PRPSAP1: variants seen among roughly 807,000 people sequenced by gnomAD.
The protein encoded by PRPSAP1 is phosphoribosyl pyrophosphate synthase-associated protein 1.
Under a neutral mutation model 39.4 loss-of-function variants are expected in PRPSAP1, and 31 were observed. That is an observed-to-expected ratio of 0.79 (90% CI 0.59 to 1.06). The LOEUF (loss-of-function observed/expected upper bound fraction) is 1.06, where lower values mean the gene tolerates loss of function less well. Ranked by LOEUF, PRPSAP1 falls within the 50% of genes least tolerant of loss-of-function variation. The pLI, the probability that PRPSAP1 is intolerant of heterozygous loss-of-function variation, is 0.00. For missense variants in PRPSAP1, 430 were observed against 511.6 expected (o/e 0.84, Z 1.54); for synonymous variants, 212 against 192.6 (o/e 1.10, Z -0.83).
At position 76,348,050 on chromosome 17, in the gene PRPSAP1, G is replaced by A. The variant is rs535690919; in HGVS notation, c.223+479C>T. Among the ~76,000 whole-genome samples, 20 of 152,214 alleles carry A rather than the reference G, an allele frequency of 1.3e-4. 1 individual carries two copies. The South Asian group carries it at 1.5e-3, about 11-fold the overall frequency. The stretch of plus-strand genomic sequence containing the variant: ...AAATAACGTGGTGGAAGCCGAGTGC[G>A]GTGGCTCACGCCTGTAATCCCAGCA... On this transcript the variant is annotated intron_variant, in intron 2 of 9. Transcript: ENST00000446526.
chr17:76,338,451 C>T (rs1056631350), intron 3 of PRPSAP1, among the ~76,000 whole-genome samples: 7 of 152,068 alleles, frequency 4.6e-5, no homozygotes, highest in African/African-American at 1.7e-4. Context: ...GCCTGTAATC[C>T]TAACATTCTG....
At chr17:76,336,944 T>G (rs560622100) in intron 3 of PRPSAP1, among the ~76,000 whole-genome samples, 2 of 152,184 alleles carry the variant, frequency 1.3e-5, no homozygotes, top group Admixed American at 1.3e-4. Flanking sequence ...GGCAGTTACT[T>G]TGTGAACTAG....
chr17:76,340,856 C>G (rs1161826226), intron 3 of PRPSAP1, among the ~76,000 whole-genome samples: 1 of 149,102 alleles, frequency 6.7e-6, no homozygotes. Context: ...GAACCGAGAT[C>G]GCGCCATTGC....
chr17:76,342,789 T>G (rs2071453398), intron 3 of PRPSAP1, among the ~76,000 whole-genome samples: 2 of 149,258 alleles, frequency 1.3e-5, no homozygotes, highest in African/African-American at 4.9e-5. Flanking sequence ...GAAGACTGAA[T>G]AGGGCCGGGC....
intron 7 of PRPSAP1, among the ~76,000 whole-genome samples, chr17:76,321,639 A>G (rs1311526426): frequency 2.0e-5 from 3 of 152,128 alleles, no homozygotes; most frequent in African/African-American, 4.8e-5. Flanking sequence ...GACACAATAT[A>G]TTGAAATTAG....
At chr17:76,329,278 T>A (rs2071292516) in intron 6 of PRPSAP1, among the ~76,000 whole-genome samples, 2 of 152,122 alleles carry the variant, frequency 1.3e-5, no homozygotes, top group Non-Finnish European at 2.9e-5. Flanking sequence ...TTGCCCAGGC[T>A]GGTCTTGAAC....
At position 76,328,779 on chromosome 17, in the gene PRPSAP1, T is replaced by C. The variant is rs2071282687; in HGVS notation, c.719A>G (p.Asp240Gly). 6.2e-7 allele frequency: 1 copy of C among 1,614,076 alleles called. No individual in the cohort carries two copies. Among genetic ancestry groups the C allele is most frequent in the Non-Finnish European group, 8.5e-7 (1 of 1,180,012 alleles). ...GACCATAGGCGGGGAGTGACGACCA[T>C]CGTCCATGTCCAGTTCCGTGCACTG... The part of the protein sequence containing the change: ...EAQCTELDMD[D>G]GRHSPPMVKN... Residue 240 changes from aspartate to glycine, a missense_variant, in exon 7 of 10, where the codon GAT (aspartate) becomes GGT (glycine). Coordinates refer to ENST00000446526, the MANE Select transcript of PRPSAP1 (RefSeq NM_002766.3).
In PRPSAP1 at chr17:76,330,600, A is replaced by G. The variant is rs764591955; in HGVS notation, c.530T>C (p.Val177Ala). 1 of 1,613,490 alleles carries G rather than the reference A, an allele frequency of 6.2e-7. No individual in the cohort carries two copies. Among genetic ancestry groups the G allele is most frequent in the Non-Finnish European group, 8.5e-7 (1 of 1,179,588 alleles). The change falls in exon 5 of 10, where the codon GTG becomes GCG. Residue 177 changes from valine (V) to alanine (A), a missense_variant. Val to Ala is a moderately conservative substitution (Grantham distance 64). Transcript: ENST00000446526. ...KEIQGFFSFP[V>A]DNLRASPFLL... ...GAAAGGTGAGGCTCTAAGGTTGTCCACAGGAAAGCTGAAAAAGCCTTGTAT... is the reference window on the plus strand; with the variant it reads ...GAAAGGTGAGGCTCTAAGGTTGTCCGCAGGAAAGCTGAAAAAGCCTTGTAT...
intron 7 of PRPSAP1, among the ~76,000 whole-genome samples, chr17:76,324,138 C>CT (rs2071227033): frequency 1.7e-5 from 2 of 121,006 alleles, no homozygotes; most frequent in African/African-American, 8.0e-5. Flanking sequence ...GTGAGACTGT[C>CT]TCAAAAAAAA....
intron 3 of PRPSAP1, among the ~76,000 whole-genome samples, chr17:76,338,758 G>T (rs187184553): frequency 6.6e-6 from 1 of 151,700 alleles, no homozygotes; most frequent in Non-Finnish European, 1.5e-5. Context: ...ATTAGGCCAG[G>T]CATGGTGGCT....
chr17:76,341,767 G>A (rs1057469581), intron 3 of PRPSAP1, among the ~76,000 whole-genome samples: 35 of 152,140 alleles, frequency 2.3e-4, no homozygotes, highest in African/African-American at 7.2e-4. Context: ...GTGAAACCCC[G>A]TCTCTACTAA....
rs137901822 is a variant in PRPSAP1, at chr17:76,337,730, C to T, written c.291-5295G>A. Among the ~76,000 whole-genome samples the T allele has an allele frequency of 7.0e-3, 1,072 of 152,234 alleles. 11 individuals carry two copies. The highest frequency in any genetic ancestry group is 0.024 in the African/African-American group (982 of 41,534). On this transcript the variant is annotated intron_variant, in intron 3 of 9. Coordinates refer to ENST00000446526, the MANE Select transcript of PRPSAP1 (RefSeq NM_002766.3). ...AATCGATTCTCCCACCTCAGCCTTC[C>T]GAATATCTGGGATTACAGGCACCTG...
intron 7 of PRPSAP1, among the ~76,000 whole-genome samples, chr17:76,327,825 C>T (rs375208458): frequency 6.6e-6 from 1 of 152,092 alleles, no homozygotes; most frequent in East Asian, 1.9e-4. Context: ...CTGAGTGCTA[C>T]GCAGAACCGT....
intron 2 of PRPSAP1, among the ~76,000 whole-genome samples, chr17:76,346,878 A>C (rs2071507635): frequency 6.6e-6 from 1 of 152,020 alleles, no homozygotes; most frequent in Admixed American, 6.6e-5. Flanking sequence ...CCCGGGCGAC[A>C]TCCTTATTAT....
At chr17:76,340,447 C>T (rs942773450) in intron 3 of PRPSAP1, among the ~76,000 whole-genome samples, 3 of 151,802 alleles carry the variant, frequency 2.0e-5, no homozygotes, top group East Asian at 3.8e-4. Flanking sequence ...CTTTACTACC[C>T]CCAGCATCAC....
In PRPSAP1 at chr17:76,348,522, A is replaced by G. The variant is rs762610263; in HGVS notation, c.223+7T>C. The stretch of plus-strand genomic sequence containing the variant: ...AATTTTAAAAAAAAGAAATAATTTT[A>G]ACTTACCTCCATTGGTCTCTTGATA... On this transcript the variant is annotated splice_region_variant and intron_variant, in intron 2 of 9. Coordinates refer to ENST00000446526, the MANE Select transcript of PRPSAP1 (RefSeq NM_002766.3). 15 of 1,434,276 alleles carry G rather than the reference A, an allele frequency of 1.0e-5. No homozygotes were observed. The highest frequency in any genetic ancestry group is 1.5e-5 in the African/African-American group (1 of 67,312). 88.8% of individuals were successfully genotyped at this position (1,434,276 alleles called of 1,614,324 possible). A position where few individuals can be genotyped will look rare whatever the true frequency, so the allele number is the denominator to read the frequency against.
intron 7 of PRPSAP1, among the ~76,000 whole-genome samples, chr17:76,316,050 C>T (rs1392165291): frequency 3.3e-5 from 5 of 151,308 alleles, no homozygotes; most frequent in African/African-American, 7.3e-5. Context: ...TGGTGGCACA[C>T]GCCTGTAATC....
intron 1 of PRPSAP1, among the ~76,000 whole-genome samples, chr17:76,352,714 C>A (rs1284103450): frequency 6.6e-6 from 1 of 150,798 alleles, no homozygotes; most frequent in African/African-American, 2.4e-5. Flanking sequence ...AACAACTATT[C>A]AGAGGGCCAC....
rs963365656 is a variant in PRPSAP1, at chr17:76,352,066, T to TA, written c.170+1467dup. On this transcript the variant is annotated intron_variant, in intron 1 of 9. Transcript: ENST00000446526. ...TTCCACTCTCCAAAACTCCAACTAT[T>TA]AAAAAAAAAAACAAGCAGAGCTGAA... Among the ~76,000 whole-genome samples, 738 of 142,758 alleles carry TA rather than the reference T, an allele frequency of 5.2e-3. 4 individuals are homozygous for TA. The highest frequency in any genetic ancestry group is 0.014 in the African/African-American group (561 of 39,018). 93.7% of individuals were successfully genotyped at this position (142,758 alleles called of 152,430 possible).
Sources: allele counts gnomAD v4.1 joint callset (sites outside exome capture counted in the v4.1 genomes callset), GRCh38; gene constraint gnomAD v4.1.1; transcripts MANE v1.5; gene names NCBI Gene and HGNC (gene_info 2026-07-23, HGNC 2026-07-21).